Variants in SIM2 observed in about 807,000 individuals in gnomAD.
SIM2 encodes SIM bHLH transcription factor 2, also known as single-minded homolog 2.
In SIM2, 28 loss-of-function variants were observed where a neutral mutation model predicts 64.8. The observed-to-expected ratio is 0.43, with a 90% CI of 0.32 to 0.59. The LOEUF is 0.59. SIM2 is among the 20% of genes least tolerant of loss of function. The pLI is 0.07. For missense variants in SIM2, 847 were observed against 871.4 expected (o/e 0.97, Z 0.35); for synonymous variants, 408 against 391.1 (o/e 1.04, Z -0.51).
At chr21:36,732,139 TC>T (rs1192358253) in intron 7 of SIM2, among the ~76,000 whole-genome samples, 1 of 152,180 alleles carries the variant, frequency 6.6e-6, no homozygotes, top group African/African-American at 2.4e-5. Flanking sequence ...TGTCTCCGCC[TC>T]CCAAAGTGCT....
At chr21:36,741,656 C>A (rs1051754965) in intron 7 of SIM2, 61 bp from the exon 8 acceptor site, 25 of 1,582,270 alleles carry the variant, frequency 1.6e-5, no homozygotes, top group Non-Finnish European at 2.0e-5. Context: ...CCGTTGGGGG[C>A]AGCATCCCAG....
At chr21:36,740,109 ATTT>A (rs1310487729) in intron 7 of SIM2, among the ~76,000 whole-genome samples, 1 of 140,442 alleles carries the variant, frequency 7.1e-6, no homozygotes. Flanking sequence ...TTGGCCTTTC[ATTT>A]TTTTTTTTTT....
chr21:36,741,294 C>G (rs2089155239), intron 7 of SIM2, among the ~76,000 whole-genome samples: 1 of 152,238 alleles, frequency 6.6e-6, no homozygotes, highest in South Asian at 2.1e-4. Context: ...ATGCACTTAA[C>G]TGACTACTTT....
chr21:36,744,686 C>T (rs201071179), intron 9 of SIM2, 42 bp from the exon 10 acceptor site: 228 of 1,519,716 alleles, frequency 1.5e-4, no homozygotes, highest in Non-Finnish European at 1.9e-4. Flanking sequence ...AGCTTCCTGC[C>T]GGCCCCTCGC....
intron 7 of SIM2, among the ~76,000 whole-genome samples, chr21:36,736,075 G>C (rs1040314434): frequency 2.6e-5 from 4 of 152,196 alleles, no homozygotes; most frequent in Non-Finnish European, 5.9e-5. Flanking sequence ...CGAGGGATGC[G>C]GGGACACAGG....
rs2845800 is a variant in SIM2, at chr21:36,699,365, G to A, written c.-382G>A. ...AGGGGCCTTGCCGCAGCCGGTTCGA[G>A]CACTCGACGAAGGAGTAAGCAGCGC... On this transcript the variant is annotated 5_prime_UTR_variant, in exon 1 of 11. Transcript: ENST00000290399. This position sits in a 1 kb window ranked among gnomAD's most constrained non-coding sequence, Gnocchi z 5.6. 145,489 of 153,216 alleles carry A rather than the reference G, an allele frequency of 0.95. 69,255 individuals carry two copies. The highest frequency in any genetic ancestry group is 0.99 in the Middle Eastern group (300 of 302). 9.5% of individuals were successfully genotyped at this position (153,216 alleles called of 1,614,324 possible).
At chr21:36,702,367 C>A (rs958962468) in intron 1 of SIM2, among the ~76,000 whole-genome samples, 1 of 152,184 alleles carries the variant, frequency 6.6e-6, no homozygotes, top group African/African-American at 2.4e-5. Context: ...CGGTCCCCCT[C>A]GGAAAGGGAA....
chr21:36,713,714 G>A (rs1207010717), intron 3 of SIM2, among the ~76,000 whole-genome samples: 3 of 152,168 alleles, frequency 2.0e-5, no homozygotes, highest in Non-Finnish European at 4.4e-5. Flanking sequence ...TGCATCTGGT[G>A]TATTCCTTTT....
chr21:36,719,170 C>T (rs907168038), intron 3 of SIM2, among the ~76,000 whole-genome samples: 6 of 152,246 alleles, frequency 3.9e-5, no homozygotes, highest in African/African-American at 9.6e-5. Context: ...CACCCCTGGG[C>T]GGGAGCCACA....
At chr21:36,734,109 C>T (rs1187306652) in intron 7 of SIM2, among the ~76,000 whole-genome samples, 4 of 152,166 alleles carry the variant, frequency 2.6e-5, no homozygotes, top group East Asian at 1.9e-4. Flanking sequence ...CATTGGCTGT[C>T]GTGCTGTCAG....
intron 5 of SIM2, among the ~76,000 whole-genome samples, chr21:36,724,920 T>C (rs2249959): frequency 0.42 from 64,252 of 152,042 alleles, 14,751 homozygotes; most frequent in African/African-American, 0.61. Flanking sequence ...ACTGCATTCT[T>C]GTCTGTATGG....
rs1466415705 is a variant in SIM2, at chr21:36,748,855, G to A, written c.*763G>A. 1 of 152,540 alleles carries A rather than the reference G, an allele frequency of 6.6e-6. No individual in the cohort carries two copies. Among genetic ancestry groups the A allele is most frequent in the African/African-American group, 2.4e-5 (1 of 41,412 alleles). The allele number at this position is 152,540 out of a possible 1,614,324, so 9.4% of individuals were successfully genotyped here. A position where few individuals can be genotyped will look rare whatever the true frequency, so the allele number is the denominator to read the frequency against. On this transcript the variant is annotated 3_prime_UTR_variant, in exon 11 of 11. Coordinates refer to ENST00000290399, the MANE Select transcript of SIM2 (RefSeq NM_005069.6). Reference sequence around the variant, plus strand: ...CATTAAATGCAAAAATATATATGTAGCCAGACAGTTTATGAGAATGACCCT... The same window carrying A: ...CATTAAATGCAAAAATATATATGTAACCAGACAGTTTATGAGAATGACCCT...
chr21:36,722,436 C>T (rs2088835366), intron 4 of SIM2, among the ~76,000 whole-genome samples: 1 of 152,214 alleles, frequency 6.6e-6, no homozygotes, highest in Non-Finnish European at 1.5e-5. Context: ...AGTGGAGTGA[C>T]CTCGCCCTCC....
At chr21:36,729,536 G>A (rs1354070149) in intron 6 of SIM2, among the ~76,000 whole-genome samples, 1 of 152,124 alleles carries the variant, frequency 6.6e-6, no homozygotes, top group South Asian at 2.1e-4. Flanking sequence ...AAAGGGAAGC[G>A]GGTTAAAGAA....
At position 36,727,237 on chromosome 21, in the gene SIM2, G is replaced by T. The variant is rs570562586; in HGVS notation, c.743+919G>T. Reference sequence around the variant, plus strand: ...TTTAGTAGAGATGCGGTTTCACTATGTTGGCCAGGCTGGTCTTGAACTCCT... The same window carrying T: ...TTTAGTAGAGATGCGGTTTCACTATTTTGGCCAGGCTGGTCTTGAACTCCT... On this transcript the variant is annotated intron_variant, in intron 6 of 10. Coordinates refer to ENST00000290399, the MANE Select transcript of SIM2 (RefSeq NM_005069.6). Among the ~76,000 whole-genome samples the T allele has an allele frequency of 2.6e-5, 4 of 152,110 alleles. No individual in the cohort carries two copies. The South Asian group carries it at 6.2e-4, about 24-fold the overall frequency.
chr21:36,743,501 A>G lies in SIM2; in HGVS notation c.1113A>G (p.Lys371=), dbSNP rs766797775. The change falls in exon 9 of 11, where the codon AAA becomes AAG. Residue 371 remains lysine (K), a synonymous_variant. Coordinates refer to ENST00000290399, the MANE Select transcript of SIM2 (RefSeq NM_005069.6). The part of the protein sequence containing the change: ...STSQETRKLV[K]PKNTKMKTKL... The stretch of plus-strand genomic sequence containing the variant: ...CACAAGAAACTAGGAAATTAGTGAA[A>G]CCCAAAAATACCAAGATGAAGACAA... 5.6e-6 allele frequency: 9 copies of G among 1,614,094 alleles called. No homozygotes were observed.
rs1345955945 is a variant in SIM2 at position 36,749,339 on chromosome 21, G to A, written c.*1247G>A. On this transcript the variant is annotated 3_prime_UTR_variant, in exon 11 of 11. Transcript: ENST00000290399. ...TGCTTTATCAAAATGGTTTATTTTA[G>A]GAAACTTTTTCCACCTTTCTGAATG... 1.3e-5 allele frequency: 2 copies of A among 152,338 alleles called. No homozygotes were observed. Among genetic ancestry groups the A allele is most frequent in the Admixed American group, 6.5e-5 (1 of 15,274 alleles). 9.4% of individuals were successfully genotyped at this position (152,338 alleles called of 1,614,324 possible). A position where few individuals can be genotyped will look rare whatever the true frequency, so the allele number is the denominator to read the frequency against.
chr21:36,719,955 A>AG, intron 4 of SIM2, 26 bp downstream of exon 4: 1 of 1,446,946 alleles, frequency 6.9e-7, no homozygotes, highest in East Asian at 2.3e-5. Context: ...GGAAAAAAAA[A>AG]AACAGACTAA....
intron 10 of SIM2, chr21:36,746,449 A>G (rs2089228536): frequency 6.6e-6 from 1 of 152,232 alleles, no homozygotes; most frequent in Non-Finnish European, 1.5e-5. Context: ...TCTGGGCCTC[A>G]TCCTGCTTTT....
Sources: allele counts gnomAD v4.1 joint callset (sites outside exome capture counted in the v4.1 genomes callset), GRCh38; gene constraint gnomAD v4.1.1; non-coding constraint Gnocchi (gnomAD v3.1); transcripts MANE v1.5; gene names NCBI Gene and HGNC (gene_info 2026-07-23, HGNC 2026-07-21).